FER1L6: variants seen among roughly 807,000 people sequenced by gnomAD.
The protein encoded by FER1L6 is fer-1 like family member 6.
FER1L6 carries 177 observed loss-of-function variants against 219.2 expected under a neutral mutation model. That is an observed-to-expected ratio of 0.81 (90% CI 0.71 to 0.91). The LOEUF (loss-of-function observed/expected upper bound fraction) is 0.91, where lower values mean the gene tolerates loss of function less well. FER1L6 is among the 40% of genes least tolerant of loss of function. The pLI is 0.00. For synonymous variants in FER1L6, 768 were observed against 824.3 expected, an observed-to-expected ratio of 0.93 and a Z score of 1.17; for missense variants, 2,153 against 2,259.9, an observed-to-expected ratio of 0.95 and a Z score of 0.96.
chr8:124,100,187 G>T (rs1289468606), intron 37 of FER1L6, among the ~76,000 whole-genome samples: 2 of 152,098 alleles, frequency 1.3e-5, no homozygotes, highest in Non-Finnish European at 2.9e-5. Context: ...GAAAGCACAC[G>T]GTTTGAAATT....
chr8:123,983,352 A>C (rs932661182), intron 11 of FER1L6, among the ~76,000 whole-genome samples: 1 of 152,176 alleles, frequency 6.6e-6, no homozygotes, highest in Non-Finnish European at 1.5e-5. Flanking sequence ...GATCATAGCC[A>C]ATCTAAAAAT....
intron 1 of FER1L6, among the ~76,000 whole-genome samples, chr8:123,860,857 G>C (rs1432328823): frequency 6.2e-5 from 7 of 112,896 alleles, no homozygotes; most frequent in African/African-American, 1.9e-4. Context: ...ATTTGTTTGA[G>C]TTCATTGTAG....
At chr8:124,029,599 T>A (rs576523517) in intron 18 of FER1L6, among the ~76,000 whole-genome samples, 12 of 152,288 alleles carry the variant, frequency 7.9e-5, no homozygotes, top group African/African-American at 2.9e-4. Context: ...TCATTTGCCC[T>A]CCTTTTAATG....
intron 14 of FER1L6, 70 bp from the exon 15 acceptor site, chr8:124,013,351 CTAGTACATTA>C: frequency 1.4e-6 from 1 of 737,002 alleles, no homozygotes; most frequent in Non-Finnish European, 2.1e-6. Flanking sequence ...GCTGTTATTT[CTAGTACATTA>C]TAATTAGTAT....
rs71289634 is a variant in FER1L6, at chr8:124,015,607, A to ATATATATATATG, written c.1923-2012_1923-2011insATGTATATATAT. On this transcript the variant is annotated intron_variant, in intron 15 of 40. Transcript: ENST00000522917. ...TATATATATATATATATATATATAT[A>ATATATATATATG]TATATATATTACTCCTGCTGTGAGC... 8.6e-3 allele frequency among the ~76,000 whole-genome samples: 764 copies of ATATATATATATG among 88,520 alleles called. 44 individuals carry two copies. Among genetic ancestry groups the ATATATATATATG allele is most frequent in the Non-Finnish European group, 0.012 (522 of 44,428 alleles). 58.1% of individuals were successfully genotyped at this position (88,520 alleles called of 152,430 possible).
At chr8:123,966,710 A>G (rs575624652) in intron 5 of FER1L6, among the ~76,000 whole-genome samples, 1 of 152,302 alleles carries the variant, frequency 6.6e-6, no homozygotes, top group Admixed American at 6.5e-5. Flanking sequence ...TAAAAGTTAC[A>G]TTTTTCTAAG....
At chr8:124,028,376 T>C (rs544244879) in intron 18 of FER1L6, among the ~76,000 whole-genome samples, 1 of 152,332 alleles carries the variant, frequency 6.6e-6, no homozygotes, top group South Asian at 2.1e-4. Context: ...TTTTCACTCC[T>C]GACTTTAAGT....
chr8:124,071,516 G>A lies in FER1L6; in HGVS notation c.3977G>A (p.Cys1326Tyr). ...RVIGKFKGSF[C>Y]IYKSPQDSSS... is the part of the protein sequence containing the mutation. ...GTTTTGTGGTTCCAGGGCTCCTTCTGCATCTACAAAAGCCCCCAGGATTCT... is the reference window on the plus strand; with the variant it reads ...GTTTTGTGGTTCCAGGGCTCCTTCTACATCTACAAAAGCCCCCAGGATTCT... The change falls in exon 31 of 41, where the codon TGC becomes TAC. Residue 1326 changes from cysteine (C) to tyrosine (Y), a missense_variant. Coordinates refer to ENST00000522917, the MANE Select transcript of FER1L6 (RefSeq NM_001039112.2). The A allele has an allele frequency of 6.2e-7, 1 of 1,614,058 alleles. No homozygotes were observed. The highest frequency in any genetic ancestry group is 1.7e-4 in the Middle Eastern group (1 of 6,056).
rs1021343178 is a variant in FER1L6 at position 123,873,800 on chromosome 8, A to G, written c.-8+21615A>G. 1.4e-4 allele frequency among the ~76,000 whole-genome samples: 21 copies of G among 152,124 alleles called. 1 individual carries two copies. Among genetic ancestry groups the G allele is most frequent in the Non-Finnish European group, 2.5e-4 (17 of 68,024 alleles). ...CCCACAATCACACCCTGATCTTGTC[A>G]TTATCAATAATTGTATCCCCTCTGT... On this transcript the variant is annotated intron_variant, in intron 1 of 40. Transcript: ENST00000522917.
intron 1 of FER1L6, among the ~76,000 whole-genome samples, chr8:123,861,067 C>T (rs2130253565): frequency 1.4e-5 from 1 of 69,550 alleles, no homozygotes; most frequent in Middle Eastern, 4.8e-3. Context: ...ACGCCTATGT[C>T]CTGAATGGTA....
intron 13 of FER1L6, among the ~76,000 whole-genome samples, chr8:124,005,453 C>T (rs550031890): frequency 1.4e-4 from 21 of 152,326 alleles, no homozygotes; most frequent in African/African-American, 2.2e-4. Flanking sequence ...CTCTTCCTTA[C>T]GCCTGGCAAT....
chr8:123,883,064 G>T (rs1460356268), intron 1 of FER1L6, among the ~76,000 whole-genome samples: 1 of 152,082 alleles, frequency 6.6e-6, no homozygotes, highest in African/African-American at 2.4e-5. Context: ...GCTGATTAAA[G>T]AATTCACCAC....
rs115419269 is a variant in FER1L6, at chr8:123,904,811, G to A, written c.-7-51181G>A. ...CAAACAGAGAAACAAGAAAGAAATGGCACAGGTACAGTAGTATGTTGGTGC... is the reference window on the plus strand; with the variant it reads ...CAAACAGAGAAACAAGAAAGAAATGACACAGGTACAGTAGTATGTTGGTGC... On this transcript the variant is annotated intron_variant, in intron 1 of 40. Coordinates refer to ENST00000522917, the MANE Select transcript of FER1L6 (RefSeq NM_001039112.2). Among the ~76,000 whole-genome samples, 623 of 152,314 alleles carry A rather than the reference G, an allele frequency of 4.1e-3. 3 individuals are homozygous for A. Among genetic ancestry groups the A allele is most frequent in the African/African-American group, 0.014 (584 of 41,576 alleles).
At chr8:123,898,400 A>G (rs541240835) in intron 1 of FER1L6, among the ~76,000 whole-genome samples, 135 of 151,996 alleles carry the variant, frequency 8.9e-4, no homozygotes, top group African/African-American at 3.1e-3. Flanking sequence ...AGCAGTATAC[A>G]CTGTACCATA....
intron 1 of FER1L6, among the ~76,000 whole-genome samples, chr8:123,932,386 G>A (rs1316408191): frequency 1.3e-5 from 2 of 152,170 alleles, no homozygotes; most frequent in African/African-American, 4.8e-5. Flanking sequence ...TGGGATTACA[G>A]GTGTGAGCCA....
intron 40 of FER1L6, among the ~76,000 whole-genome samples, 187 bp downstream of exon 40, chr8:124,119,131 C>T (rs116848584): frequency 0.016 from 2,382 of 152,318 alleles, 28 homozygotes; most frequent in Non-Finnish European, 0.026. Context: ...ACATATAAGA[C>T]ATAAAGTATG....
chr8:123,925,453 A>G (rs1423862133), intron 1 of FER1L6, among the ~76,000 whole-genome samples: 2 of 152,234 alleles, frequency 1.3e-5, no homozygotes, highest in African/African-American at 2.4e-5. Flanking sequence ...GCTAAAAATG[A>G]TCACACGGCC....
chr8:123,860,443 G>A (rs1816727036), intron 1 of FER1L6, among the ~76,000 whole-genome samples: 1 of 90,186 alleles, frequency 1.1e-5, no homozygotes, highest in African/African-American at 5.2e-5. Flanking sequence ...ATAAACATAC[G>A]TGTGCATGTG....
intron 7 of FER1L6, among the ~76,000 whole-genome samples, chr8:123,974,659 CAAA>C (rs994690186): frequency 3.5e-3 from 165 of 47,780 alleles, no homozygotes; most frequent in Admixed American, 7.7e-3. Context: ...GACTCTGTCT[CAAA>C]AAAAAAAAAA....
Sources: allele counts gnomAD v4.1 joint callset (sites outside exome capture counted in the v4.1 genomes callset), GRCh38; gene constraint gnomAD v4.1.1; transcripts MANE v1.5; gene names NCBI Gene and HGNC (gene_info 2026-07-23, HGNC 2026-07-21).